The following TM6SF1 variants were observed in gnomAD, a reference collection of about 807,000 sequenced individuals.
The protein encoded by TM6SF1 is transmembrane 6 superfamily member 1.
In TM6SF1, 43 loss-of-function variants were observed where a neutral mutation model predicts 47.1. That is an observed-to-expected ratio of 0.91 (90% confidence interval 0.72 to 1.18). The LOEUF (loss-of-function observed/expected upper bound fraction) is 1.18. Ranked by LOEUF, TM6SF1 falls within the 50% of genes most tolerant of loss-of-function variation. TM6SF1 has a pLI of 0.00. For missense variants in TM6SF1, 390 were observed against 449.0 expected (o/e 0.87, Z 1.19); for synonymous variants, 177 against 166.3 (o/e 1.06, Z -0.49).
At chr15:83,116,473 C>T (rs2034669384) in intron 3 of TM6SF1, among the ~76,000 whole-genome samples, 1 of 152,190 alleles carries the variant, frequency 6.6e-6, no homozygotes, top group Admixed American at 6.5e-5. Flanking sequence ...GGTTAAGTGA[C>T]TTATTCAAGG....
rs1401390411 is a variant in TM6SF1 at position 83,107,914 on chromosome 15, C to G, written c.92+142C>G. The G allele has an allele frequency of 4.6e-6, 6 of 1,306,002 alleles. No homozygotes were observed. The highest frequency in any genetic ancestry group is 5.8e-6 in the Non-Finnish European group (6 of 1,027,004). 80.9% of individuals were successfully genotyped at this position (1,306,002 alleles called of 1,614,324 possible). A position where few individuals can be genotyped will look rare whatever the true frequency, so the allele number is the denominator to read the frequency against. ...TCGTGGCCGCAGGGGCTCCCCGCGC[C>G]TGGCCAGACTAGGGGGGCGCCCCAG... On this transcript the variant is annotated intron_variant, in intron 1 of 9. Transcript: ENST00000322019. This position sits in a 1 kb window ranked among gnomAD's most constrained non-coding sequence, Gnocchi z 5.6.
chr15:83,129,374 AG>A (rs1435942314), intron 9 of TM6SF1: 1 of 152,228 alleles, frequency 6.6e-6, no homozygotes, highest in Non-Finnish European at 1.5e-5. Flanking sequence ...GATATTTTCA[AG>A]GTCCAGGCCT....
chr15:83,122,989 C>G, intron 6 of TM6SF1, 111 bp downstream of exon 6: 1 of 1,212,594 alleles, frequency 8.2e-7, no homozygotes, highest in South Asian at 1.5e-5. Context: ...TTTGGGGCAT[C>G]CAAACAGTGC....
chr15:83,119,025 C>A (rs1008083719), intron 3 of TM6SF1, among the ~76,000 whole-genome samples: 7 of 152,122 alleles, frequency 4.6e-5, no homozygotes, highest in Non-Finnish European at 7.3e-5. Flanking sequence ...TCAATCCTGT[C>A]CATCCCACTG....
intron 9 of TM6SF1, chr15:83,127,716 G>A (rs1448675761): frequency 2.6e-6 from 1 of 386,934 alleles, no homozygotes; most frequent in Non-Finnish European, 4.7e-6. Context: ...GTGGTCCAGT[G>A]AAGTTAAATG....
intron 6 of TM6SF1, 95 bp from the exon 7 acceptor site, chr15:83,124,577 A>T: frequency 1.1e-6 from 1 of 949,708 alleles, no homozygotes; most frequent in Non-Finnish European, 1.6e-6. Flanking sequence ...CATCTTCAAA[A>T]TTCTCTTATC....
rs575651859 is a variant in TM6SF1 at position 83,121,377 on chromosome 15, C to T, written c.399-544C>T. On this transcript the variant is annotated intron_variant, in intron 4 of 9. Transcript: ENST00000322019. ...GATTACAGGCATGAGCCACCATGCT[C>T]GGCCTGAAGGAAGTTTTTGTCAGCA... 9.9e-5 allele frequency among the ~76,000 whole-genome samples: 15 copies of T among 152,190 alleles called. No individual in the cohort carries two copies. The South Asian group carries it at 2.5e-3, about 25-fold the overall frequency.
intron 9 of TM6SF1, chr15:83,135,261 AG>A (rs2036533698): frequency 6.6e-6 from 1 of 152,248 alleles, no homozygotes; most frequent in Non-Finnish European, 1.5e-5. Context: ...GTCATGGTGA[AG>A]TCAAGTAAGT....
chr15:83,124,910 G>A (rs2035594630), intron 7 of TM6SF1, 134 bp downstream of exon 7: 1 of 766,798 alleles, frequency 1.3e-6, no homozygotes, highest in Non-Finnish European at 2.1e-6. Context: ...TCCCATCAAA[G>A]CCTGGAGCCC....
chr15:83,137,061 T>C lies in TM6SF1; in HGVS notation c.*389T>C, dbSNP rs2151391366. On this transcript the variant is annotated 3_prime_UTR_variant, in exon 10 of 10. Coordinates refer to ENST00000322019, the MANE Select transcript of TM6SF1 (RefSeq NM_023003.5). ...AAAATTCAAAACAGTGAATGCAGACTGGAGGAGTAACTTTTGCAAATAAGA... is the reference window on the plus strand; with the variant it reads ...AAAATTCAAAACAGTGAATGCAGACCGGAGGAGTAACTTTTGCAAATAAGA... The C allele has an allele frequency of 6.5e-6, 1 of 154,242 alleles. No homozygotes were observed. Among genetic ancestry groups the C allele is most frequent in the Middle Eastern group, 3.4e-3 (1 of 294 alleles). 9.6% of individuals were successfully genotyped at this position (154,242 alleles called of 1,614,324 possible). A position where few individuals can be genotyped will look rare whatever the true frequency, so the allele number is the denominator to read the frequency against.
At chr15:83,112,926 T>C (rs747125199) in intron 2 of TM6SF1, 26 bp downstream of exon 2, 18 of 1,516,508 alleles carry the variant, frequency 1.2e-5, no homozygotes, top group Non-Finnish European at 1.5e-5. Context: ...GGGAAATCTT[T>C]TGTATCTGAT....
intron 7 of TM6SF1, among the ~76,000 whole-genome samples, chr15:83,125,452 ACT>A (rs1464838433): frequency 5.9e-5 from 9 of 152,092 alleles, no homozygotes; most frequent in African/African-American, 1.9e-4. Flanking sequence ...AACCTCTTGG[ACT>A]CTGTTTTCCT....
At chr15:83,128,633 A>C (rs757591889) in intron 9 of TM6SF1, 1 of 152,048 alleles carries the variant, frequency 6.6e-6, no homozygotes, top group Non-Finnish European at 1.5e-5. Flanking sequence ...TTTCATTCCA[A>C]ACTCAGTCTT....
At position 83,127,154 on chromosome 15, in the gene TM6SF1, A is replaced by T. The variant is rs565071824; in HGVS notation, c.802-204A>T. Among the ~76,000 whole-genome samples the T allele has an allele frequency of 1.3e-3, 205 of 152,116 alleles. 1 individual carries two copies. Among genetic ancestry groups the T allele is most frequent in the Middle Eastern group, 3.4e-3 (1 of 294 alleles). ...GGTTGCAGTGAGCCGAGATTGCGCC[A>T]CTGCACTCCAGCCTGAGTGACAGAG... On this transcript the variant is annotated intron_variant, in intron 8 of 9. Transcript: ENST00000322019.
chr15:83,117,265 C>T (rs1357132058), intron 3 of TM6SF1, among the ~76,000 whole-genome samples: 1 of 152,084 alleles, frequency 6.6e-6, no homozygotes, highest in East Asian at 1.9e-4. Flanking sequence ...CACCAATCTG[C>T]AAGGATGAGG....
At chr15:83,136,330 A>G in intron 9 of TM6SF1, 151 bp from the exon 10 acceptor site, 1 of 500,534 alleles carries the variant, frequency 2.0e-6, no homozygotes, top group South Asian at 5.2e-5. Context: ...CTGACATTAA[A>G]GACTCTGGAT....
chr15:83,118,814 A>G (rs929747565), intron 3 of TM6SF1, among the ~76,000 whole-genome samples: 1 of 152,214 alleles, frequency 6.6e-6, no homozygotes, highest in South Asian at 2.1e-4. Context: ...AATTGATGAC[A>G]GTGATTTTCT....
chr15:83,110,729 C>G (rs935914408), intron 1 of TM6SF1, among the ~76,000 whole-genome samples: 2 of 152,210 alleles, frequency 1.3e-5, no homozygotes, highest in Non-Finnish European at 2.9e-5. Context: ...TTGACCCACA[C>G]TGGCTTCCTC....
rs1370675759 is a variant in TM6SF1, at chr15:83,126,737, GTTTA to G, written c.709-14_709-11del. On this transcript the variant is annotated splice_polypyrimidine_tract_variant and intron_variant, in intron 7 of 9. Coordinates refer to ENST00000322019, the MANE Select transcript of TM6SF1 (RefSeq NM_023003.5). ...AGATGTGATTGTATTTTTATAATGA[GTTTA>G]TTTTTGTCCTTAGATTGCTTTGGAT... 1.9e-6 allele frequency: 3 copies of G among 1,595,312 alleles called. No individual in the cohort carries two copies. The highest frequency in any genetic ancestry group is 1.4e-5 in the African/African-American group (1 of 74,048).
Sources: allele counts gnomAD v4.1 joint callset (sites outside exome capture counted in the v4.1 genomes callset), GRCh38; gene constraint gnomAD v4.1.1; non-coding constraint Gnocchi (gnomAD v3.1); transcripts MANE v1.5; gene names NCBI Gene and HGNC (gene_info 2026-07-23, HGNC 2026-07-21).